TTC31: variants seen among roughly 807,000 people sequenced by gnomAD.
The protein encoded by TTC31 is tetratricopeptide repeat domain 31, also known as tetratricopeptide repeat protein 31.
A neutral mutation model predicts 60.4 loss-of-function variants in TTC31; 59 were observed. The ratio of observed to expected loss-of-function variants is 0.98; its 90% CI spans 0.79 to 1.21. The LOEUF is 1.21. Among genes scored for constraint, TTC31 ranks in the 50% most tolerant of loss-of-function variants. The pLI is 0.00. For missense variants in TTC31, 672 were observed against 646.9 expected, an observed-to-expected ratio of 1.04 and a Z score of -0.42; for synonymous variants, 225 against 249.6, an observed-to-expected ratio of 0.90 and a Z score of 0.93.
intron 2 of TTC31, among the ~76,000 whole-genome samples, chr2:74,487,548 T>A (rs1332897227): frequency 6.6e-6 from 1 of 151,980 alleles, no homozygotes; most frequent in African/African-American, 2.4e-5. Flanking sequence ...TTTTATTTTT[T>A]ATTTTTAATG....
At chr2:74,490,893 C>G (rs1264556576) in intron 5 of TTC31, 154 bp downstream of exon 5, 4 of 915,290 alleles carry the variant, frequency 4.4e-6, no homozygotes, top group Non-Finnish European at 6.7e-6. Context: ...GGGGGTCTCT[C>G]ACAGGCCATC....
chr2:74,492,806 C>G (rs1674087427), intron 12 of TTC31, 59 bp downstream of exon 12: 1 of 1,599,236 alleles, frequency 6.3e-7, no homozygotes, highest in Non-Finnish European at 8.6e-7. Context: ...TTGGCTGGGA[C>G]TGCAATACCA....
At position 74,493,445 on chromosome 2, in the gene TTC31, G is replaced by A; in HGVS notation, c.*227G>A. The A allele has an allele frequency of 3.7e-6, 2 of 534,900 alleles. No homozygotes were observed. Among genetic ancestry groups the A allele is most frequent in the Non-Finnish European group, 3.2e-6 (1 of 308,650 alleles). 33.1% of individuals were successfully genotyped at this position (534,900 alleles called of 1,614,324 possible). A position where few individuals can be genotyped will look rare whatever the true frequency, so the allele number is the denominator to read the frequency against. ...TCAAGCTTCTTCTGGAGGCAGTAAG[G>A]AAAAATAAAACCCACCAAGGCTCAA... On this transcript the variant is annotated 3_prime_UTR_variant, in exon 13 of 13. Coordinates refer to ENST00000233623, the MANE Select transcript of TTC31 (RefSeq NM_022492.6).
intron 2 of TTC31, among the ~76,000 whole-genome samples, chr2:74,484,387 C>T (rs1289745334): frequency 6.6e-6 from 1 of 152,090 alleles, no homozygotes; most frequent in Non-Finnish European, 1.5e-5. Context: ...GGAGAGAAGG[C>T]AGCAGATGGC....
In TTC31 at chr2:74,493,341, T is replaced by C; in HGVS notation, c.*123T>C. ...TCTAGATCCATAGTTAATGATGCCC[T>C]GGCAGTCATTCCTCTTGCCATGGGG... On this transcript the variant is annotated 3_prime_UTR_variant, in exon 13 of 13. Transcript: ENST00000233623. 9.7e-7 allele frequency: 1 copy of C among 1,030,158 alleles called. No homozygotes were observed. Among genetic ancestry groups the C allele is most frequent in the Non-Finnish European group, 1.4e-6 (1 of 726,734 alleles). 63.8% of individuals were successfully genotyped at this position (1,030,158 alleles called of 1,614,324 possible). A position where few individuals can be genotyped will look rare whatever the true frequency, so the allele number is the denominator to read the frequency against.
chr2:74,491,863 G>T, intron 8 of TTC31, 141 bp from the exon 9 acceptor site: 1 of 1,465,750 alleles, frequency 6.8e-7, no homozygotes, highest in South Asian at 1.3e-5. Flanking sequence ...GGAAGATAGG[G>T]CTGATACCAT....
At position 74,491,178 on chromosome 2, in the gene TTC31, G is replaced by A; in HGVS notation, c.597G>A (p.Glu199=). 6.2e-7 allele frequency: 1 copy of A among 1,613,970 alleles called. No homozygotes were observed. Among genetic ancestry groups the A allele is most frequent in the Middle Eastern group, 1.6e-4 (1 of 6,062 alleles). Residue 199 remains glutamate, a synonymous_variant, in exon 6 of 13, where the codon GAG becomes GAA. Coordinates refer to ENST00000233623, the MANE Select transcript of TTC31 (RefSeq NM_022492.6). ...RQERLEQYCG[E]PKASTTSDGD... is the part of the protein sequence containing the mutation. ...AGCGTTTGGAGCAGTACTGTGGGGA[G>A]CCCAAGGTGAGTATCTAGGGCAGGT...
At chr2:74,484,672 T>C (rs1055866283) in intron 2 of TTC31, among the ~76,000 whole-genome samples, 2 of 152,090 alleles carry the variant, frequency 1.3e-5, no homozygotes, top group African/African-American at 4.8e-5. Context: ...TTGGCCAGCA[T>C]GGTCTCGATC....
At position 74,488,465 on chromosome 2, in the gene TTC31, A is replaced by C. The variant is rs149225239; in HGVS notation, c.130-1560A>C. ...GCCTGATTAGGCAAATAGGAATGTG[A>C]TCATTCCTGTCTTTGAAGCTTATAC... On this transcript the variant is annotated intron_variant, in intron 2 of 12. Coordinates refer to ENST00000233623, the MANE Select transcript of TTC31 (RefSeq NM_022492.6). Among the ~76,000 whole-genome samples the C allele has an allele frequency of 3.0e-3, 451 of 152,294 alleles. 2 individuals carry two copies. The highest frequency in any genetic ancestry group is 7.5e-3 in the African/African-American group (311 of 41,564).
chr2:74,488,205 A>G (rs1273808627), intron 2 of TTC31, among the ~76,000 whole-genome samples: 3 of 152,224 alleles, frequency 2.0e-5, no homozygotes, highest in Non-Finnish European at 4.4e-5. Context: ...AATTTTAAGT[A>G]TAAGACTGAT....
chr2:74,492,443 C>T lies in TTC31; in HGVS notation c.1159C>T (p.Gln387Ter), dbSNP rs761185301. ...CCTGGGCAAGGCCTTGATGGGACTACAGGTAATAGGTCTGGGGCTGGAAAC... is the reference window on the plus strand; with the variant it reads ...CCTGGGCAAGGCCTTGATGGGACTATAGGTAATAGGTCTGGGGCTGGAAAC... ...FRLGKALMGL[Q>*]RFREAAAVFQ... The change falls in exon 11 of 13, where the codon CAG becomes TAG. Residue 387 changes from glutamine to a stop codon, truncating the protein, a stop_gained and splice_region_variant. Coordinates refer to ENST00000233623, the MANE Select transcript of TTC31 (RefSeq NM_022492.6). LOFTEE classifies it high-confidence loss of function. The T allele has an allele frequency of 2.5e-5, 38 of 1,523,310 alleles. No homozygotes were observed. In the Middle Eastern group the frequency reaches 5.4e-4, roughly 21 times the overall value. 94.4% of individuals were successfully genotyped at this position (1,523,310 alleles called of 1,614,324 possible).
Position 74,491,377 on chromosome 2 carries a change from T to C in TTC31, c.684+2T>C. The stretch of plus-strand genomic sequence containing the variant: ...CAGGGACAGTGTGGTGAAGAAGAGG[T>C]GAGAGCCCCTTTTTTCCCTTCTTGG... On this transcript the variant is annotated splice_donor_variant, in intron 7 of 12. Coordinates refer to ENST00000233623, the MANE Select transcript of TTC31 (RefSeq NM_022492.6). LOFTEE classifies it high-confidence loss of function. 1 of 1,614,080 alleles carries C rather than the reference T, an allele frequency of 6.2e-7. No homozygotes were observed. The highest frequency in any genetic ancestry group is 8.5e-7 in the Non-Finnish European group (1 of 1,179,996).
intron 12 of TTC31, 44 bp from the exon 13 acceptor site, chr2:74,492,878 C>T: frequency 1.3e-6 from 2 of 1,580,138 alleles, no homozygotes; most frequent in South Asian, 1.2e-5. Flanking sequence ...ATGGGCTCTC[C>T]TGCTTAAAAG....
In TTC31 at chr2:74,489,875, G is replaced by A. The variant is rs2104214384; in HGVS notation, c.130-150G>A. ...TGGGGGCAGCAGATTTTGCGGTGCT[G>A]AGGAGGGAGAGGTCAGAGCCAGTGA... On this transcript the variant is annotated intron_variant, in intron 2 of 12. Transcript: ENST00000233623. 5 of 634,128 alleles carry A rather than the reference G, an allele frequency of 7.9e-6. No homozygotes were observed. In the South Asian group the frequency reaches 9.4e-5, roughly 12 times the overall value. The allele number at this position is 634,128 out of a possible 1,614,324, so 39.3% of individuals were successfully genotyped here.
chr2:74,487,707 G>A (rs986597730), intron 2 of TTC31, among the ~76,000 whole-genome samples: 6 of 151,686 alleles, frequency 4.0e-5, no homozygotes, highest in African/African-American at 1.5e-4. Context: ...ATGAGACAGA[G>A]TCTCACTCTG....
intron 4 of TTC31, 91 bp from the exon 5 acceptor site, chr2:74,490,565 C>T (rs1372276573): frequency 6.5e-7 from 1 of 1,539,190 alleles, no homozygotes; most frequent in Non-Finnish European, 8.8e-7. Context: ...TGGTACCTTT[C>T]AAGATCCTTC....
In TTC31 at chr2:74,492,288, C is replaced by T; in HGVS notation, c.1020-16C>T. 1 of 1,607,100 alleles carries T rather than the reference C, an allele frequency of 6.2e-7. No homozygotes were observed. Among genetic ancestry groups the T allele is most frequent in the Middle Eastern group, 1.7e-4 (1 of 6,030 alleles). On this transcript the variant is annotated splice_polypyrimidine_tract_variant and intron_variant, in intron 10 of 12. Transcript: ENST00000233623. Reference sequence around the variant, plus strand: ...GTTGAGGACTCAGACCTTTGGCCACCTTCTGTCTTTATCAGGTTATTTGGA... The same window carrying T: ...GTTGAGGACTCAGACCTTTGGCCACTTTCTGTCTTTATCAGGTTATTTGGA...
rs558892375 is a variant in TTC31 at position 74,483,940 on chromosome 2, TA to T, written c.129+544del. ...GCCTGGGGAACGGTGAGACTCTGTCTAAAAAAAAAAAAAAGCTGGGCCCAGT... is the reference window on the plus strand; with the variant it reads ...GCCTGGGGAACGGTGAGACTCTGTCTAAAAAAAAAAAAAGCTGGGCCCAGT... On this transcript the variant is annotated intron_variant, in intron 2 of 12. Coordinates refer to ENST00000233623, the MANE Select transcript of TTC31 (RefSeq NM_022492.6). Among the ~76,000 whole-genome samples the T allele has an allele frequency of 5.3e-3, 692 of 131,764 alleles. 1 individual carries two copies. The highest frequency in any genetic ancestry group is 7.4e-3 in the Admixed American group (95 of 12,896). The allele number at this position is 131,764 out of a possible 152,430, so 86.4% of individuals were successfully genotyped here.
chr2:74,492,867 C>T, intron 12 of TTC31, 55 bp from the exon 13 acceptor site: 12 of 1,578,538 alleles, frequency 7.6e-6, no homozygotes, highest in Non-Finnish European at 1.0e-5. Context: ...GAATGAGAGG[C>T]ATGGGCTCTC....
Sources: allele counts gnomAD v4.1 joint callset (sites outside exome capture counted in the v4.1 genomes callset), GRCh38; gene constraint gnomAD v4.1.1; transcripts MANE v1.5; gene names NCBI Gene and HGNC (gene_info 2026-07-23, HGNC 2026-07-21).